TET3: variants seen among roughly 807,000 people sequenced by gnomAD.
The protein encoded by TET3 is methylcytosine dioxygenase TET3.
Under a neutral mutation model 141.4 loss-of-function variants are expected in TET3, and 19 were observed. The observed-to-expected ratio is 0.13, with a 90% CI of 0.09 to 0.20. TET3 has a LOEUF of 0.20. TET3 is among the 10% of genes least tolerant of loss of function. The pLI is 1.00. For synonymous variants in TET3, 1,043 were observed against 980.9 expected, an observed-to-expected ratio of 1.06 and a Z score of -1.18; for missense variants, 1,874 against 2,356.9, an observed-to-expected ratio of 0.80 and a Z score of 4.24.
Position 74,100,639 on chromosome 2 carries a change from T to C in TET3, c.3851T>C (p.Phe1284Ser). The change falls in exon 12 of 12, where the codon TTT becomes TCT. Residue 1284 changes from phenylalanine to serine, a missense_variant. Around this residue, in one of 10 missense-constraint regions of TET3, gnomAD observed 602 missense variants for 590.2 expected, o/e 1.02. Transcript: ENST00000409262. ...GFHSKYALPS[F>S]SYYGFPSSNP... ...CACTCCAAGTACGCTCTCCCGTCTT[T>C]TAGCTACTATGGCTTTCCATCCAGC... 6.2e-7 allele frequency: 1 copy of C among 1,614,036 alleles called. No homozygotes were observed. Among genetic ancestry groups the C allele is most frequent in the Non-Finnish European group, 8.5e-7 (1 of 1,179,898 alleles).
chr2:74,086,484 T>C (rs1690166640), intron 6 of TET3, among the ~76,000 whole-genome samples: 1 of 152,082 alleles, frequency 6.6e-6, no homozygotes, highest in Non-Finnish European at 1.5e-5. Flanking sequence ...ATTTTTAAAA[T>C]TGTGGTAACA....
intron 10 of TET3, among the ~76,000 whole-genome samples, chr2:74,094,838 C>T (rs1352374005): frequency 1.3e-5 from 2 of 152,062 alleles, no homozygotes; most frequent in Admixed American, 1.3e-4. Flanking sequence ...CAGGGGAAGG[C>T]TGAATTTAGG....
chr2:73,992,520 G>A (rs1057281697), intron 2 of TET3, among the ~76,000 whole-genome samples: 4 of 151,946 alleles, frequency 2.6e-5, no homozygotes, highest in Admixed American at 6.6e-5. Context: ...CACCATGTTC[G>A]CCAGGCTGGT....
At chr2:74,061,801 G>C (rs1274186257) in intron 4 of TET3, among the ~76,000 whole-genome samples, 2 of 130,154 alleles carry the variant, frequency 1.5e-5, no homozygotes, top group East Asian at 2.1e-4. Context: ...GGGTAGAGGC[G>C]CTCCTCACAT....
At chr2:74,003,001 C>CT (rs985384752) in intron 2 of TET3, 109 bp from the exon 3 acceptor site, 56 of 1,191,434 alleles carry the variant, frequency 4.7e-5, no homozygotes, top group Admixed American at 3.2e-4. Context: ...GCTGTATCCC[C>CT]TCCCGTTCGC....
chr2:74,019,862 C>T (rs1685942078), intron 3 of TET3, among the ~76,000 whole-genome samples: 1 of 152,176 alleles, frequency 6.6e-6, no homozygotes, highest in Non-Finnish European at 1.5e-5. Flanking sequence ...ATCCTGAGAC[C>T]CACAGCCCCC....
chr2:74,000,760 G>A (rs1260311377), intron 2 of TET3, among the ~76,000 whole-genome samples: 1 of 152,182 alleles, frequency 6.6e-6, no homozygotes, highest in Non-Finnish European at 1.5e-5. Context: ...GTGTTGACAG[G>A]CAAGTAAGTT....
At chr2:74,120,284 G>A in the TET3 span, among the ~76,000 whole-genome samples, 1 of 150,218 alleles carries the variant, frequency 6.7e-6, no homozygotes, top group East Asian at 2.0e-4. Flanking sequence ...CGCTCTGGCC[G>A]ACGGCCTCCA....
intron 5 of TET3, among the ~76,000 whole-genome samples, chr2:74,075,119 C>T (rs942019922): frequency 2.0e-5 from 3 of 152,080 alleles, no homozygotes; most frequent in Non-Finnish European, 4.4e-5. Flanking sequence ...ATCCGCCCGC[C>T]TCGGCCTCCC....
intron 6 of TET3, among the ~76,000 whole-genome samples, chr2:74,082,237 G>A (rs572156668): frequency 5.3e-5 from 8 of 152,280 alleles, no homozygotes; most frequent in African/African-American, 1.9e-4. Context: ...GTGGTAAAGC[G>A]ATAAGTCCTG....
chr2:74,010,452 T>C (rs566987660), intron 3 of TET3, among the ~76,000 whole-genome samples: 120 of 152,352 alleles, frequency 7.9e-4, no homozygotes, highest in African/African-American at 2.8e-3. Flanking sequence ...GGCAGGACCA[T>C]GCTTCAACTT....
chr2:74,133,945 A>G, the TET3 span, among the ~76,000 whole-genome samples: 2 of 151,906 alleles, frequency 1.3e-5, no homozygotes, highest in Non-Finnish European at 2.9e-5. Flanking sequence ...GGGTTTCACC[A>G]TGTTGGTCAG....
the TET3 span, among the ~76,000 whole-genome samples, chr2:74,118,902 T>A: frequency 6.6e-6 from 1 of 152,204 alleles, no homozygotes; most frequent in African/African-American, 2.4e-5. Context: ...TTCAAATTTA[T>A]CCAACTTTTG....
At position 74,101,291 on chromosome 2, in the gene TET3, T is replaced by C. The variant is rs1425545869; in HGVS notation, c.4503T>C (p.Ala1501=). Residue 1501 remains alanine (A), a synonymous_variant, in exon 12 of 12, where the codon GCT becomes GCC. Transcript: ENST00000409262. This position sits in a 1 kb window ranked among gnomAD's most constrained non-coding sequence, Gnocchi z 8.5. ...TCCCCGGTGAGGGGCAGCAGGCAGC[T>C]TCCCACTCTGGAGGACGGCTGCGAG... ...GLFPGEGQQA[A]SHSGGRLRGK... 2 of 1,613,142 alleles carry C rather than the reference T, an allele frequency of 1.2e-6. No homozygotes were observed. The highest frequency in any genetic ancestry group is 1.3e-5 in the African/African-American group (1 of 75,038).
intron 3 of TET3, among the ~76,000 whole-genome samples, chr2:74,037,454 T>G (rs574977732): frequency 4.0e-4 from 61 of 152,326 alleles, no homozygotes; most frequent in Non-Finnish European, 5.9e-4. Context: ...AGCAGCCCCT[T>G]GAACAGCTGC....
the TET3 span, among the ~76,000 whole-genome samples, chr2:74,118,233 A>G: frequency 1.3e-5 from 2 of 151,278 alleles, no homozygotes. Flanking sequence ...CTTGAATAAC[A>G]CCATGGCACC....
At chr2:74,032,451 CTGTGTGTGTGTGTGTGTGTGTGTGTGTG>C (rs61217149) in intron 3 of TET3, among the ~76,000 whole-genome samples, 10 of 71,938 alleles carry the variant, frequency 1.4e-4, no homozygotes, top group Admixed American at 6.2e-4. Context: ...GGGTGTGTCT[CTGTGTGTGTGTGTGTGTGTGTGTGTGTG>C]TGTGTGTGTG....
rs530986056 is a variant in TET3, at chr2:74,087,312, CA to C, written c.2680-517del. On this transcript the variant is annotated intron_variant, in intron 6 of 11. Transcript: ENST00000409262. The surrounding 1 kb of genome is among the most constrained non-coding windows in gnomAD (Gnocchi z 4.3). ...CAGGGATCTGCCTGAGTCCTGCTCT[CA>C]GTCCCTCGAGTGTATTCCTAGGCAT... 9.9e-4 allele frequency among the ~76,000 whole-genome samples: 151 copies of C among 152,326 alleles called. No individual in the cohort carries two copies. Among genetic ancestry groups the C allele is most frequent in the African/African-American group, 3.1e-3 (127 of 41,568 alleles).
intron 2 of TET3, chr2:73,998,298 G>A (rs1424421682): frequency 1.3e-5 from 2 of 152,206 alleles, no homozygotes; most frequent in Non-Finnish European, 2.9e-5. Flanking sequence ...TGAATTTGGG[G>A]CGAGGAGACC....
Sources: gnomAD v4.1 joint callset for allele counts (sites outside exome capture counted in the v4.1 genomes callset) on GRCh38, gnomAD v4.1.1 for gene constraint, gnomAD v4.1.1 regional missense constraint, Gnocchi (gnomAD v3.1) non-coding constraint, MANE v1.5 for transcripts, NCBI Gene and HGNC (gene_info 2026-07-23, HGNC 2026-07-21) for gene names.